The following CWC27 variants were observed in gnomAD, a reference collection of about 807,000 sequenced individuals.
CWC27 encodes CWC27 spliceosome associated cyclophilin, also known as spliceosome-associated protein CWC27 homolog.
Under a neutral mutation model 63.6 loss-of-function variants are expected in CWC27, and 47 were observed. The ratio of observed to expected loss-of-function variants is 0.74; its 90% CI spans 0.58 to 0.94. CWC27 has a LOEUF of 0.94. Ranked by LOEUF, CWC27 falls within the 40% of genes least tolerant of loss-of-function variation. CWC27 has a pLI of 0.00. For synonymous variants in CWC27, 175 were observed against 179.8 expected (o/e 0.97, Z 0.22); for missense variants, 495 against 554.3 (o/e 0.89, Z 1.07).
At chr5:64,952,856 C>G (rs1396920725) in intron 11 of CWC27, among the ~76,000 whole-genome samples, 2 of 152,166 alleles carry the variant, frequency 1.3e-5, no homozygotes, top group East Asian at 3.9e-4. Flanking sequence ...GTCCACTCTT[C>G]TAGCTTATTT....
chr5:64,870,482 TA>T (rs372653084), intron 10 of CWC27, among the ~76,000 whole-genome samples: 11,621 of 48,212 alleles, frequency 0.24, 467 homozygotes, highest in South Asian at 0.36. Flanking sequence ...TTAAATTGGT[TA>T]AAAAAAAAAA....
At chr5:64,781,117 G>A (rs1191512064) in intron 2 of CWC27, among the ~76,000 whole-genome samples, 1 of 151,974 alleles carries the variant, frequency 6.6e-6, no homozygotes, top group Non-Finnish European at 1.5e-5. Flanking sequence ...ATGATTTTAG[G>A]TTCCAGATAA....
chr5:64,881,604 A>G (rs1044498975), intron 10 of CWC27, among the ~76,000 whole-genome samples: 12 of 152,144 alleles, frequency 7.9e-5, no homozygotes, highest in African/African-American at 2.9e-4. Context: ...CCTAATTTAT[A>G]GTTGAATAAA....
intron 11 of CWC27, among the ~76,000 whole-genome samples, chr5:64,907,576 G>A (rs1747678318): frequency 6.6e-6 from 1 of 152,118 alleles, no homozygotes; most frequent in East Asian, 1.9e-4. Flanking sequence ...GAGACACTGG[G>A]GTTTTCCAAA....
chr5:64,809,364 CT>C (rs1744798055), intron 10 of CWC27, among the ~76,000 whole-genome samples: 1 of 151,980 alleles, frequency 6.6e-6, no homozygotes, highest in Non-Finnish European at 1.5e-5. Context: ...CATTACAAAG[CT>C]TATTCTTTTT....
chr5:64,823,325 CAAAGTAAAATTAAAAATTAATTT>C (rs1454790274), intron 10 of CWC27, among the ~76,000 whole-genome samples: 1 of 152,122 alleles, frequency 6.6e-6, no homozygotes, highest in East Asian at 1.9e-4. Context: ...TGGCGTATTT[CAAAGTAAAATTAAAAATTAATTT>C]GTCAGGTAAT....
intron 2 of CWC27, among the ~76,000 whole-genome samples, chr5:64,780,316 T>A (rs892676937): frequency 1.3e-5 from 2 of 152,078 alleles, no homozygotes; most frequent in African/African-American, 4.8e-5. Context: ...GATAGACATT[T>A]GAATTGTTTA....
chr5:64,935,616 G>A (rs111451874), intron 11 of CWC27, among the ~76,000 whole-genome samples: 1,653 of 152,246 alleles, frequency 0.011, 25 homozygotes, highest in African/African-American at 0.038. Flanking sequence ...GAAATTTAAG[G>A]TAGTTTTTTC....
At chr5:64,979,773 TTA>T (rs1168378241) in intron 13 of CWC27, among the ~76,000 whole-genome samples, 1 of 152,226 alleles carries the variant, frequency 6.6e-6, no homozygotes, top group Admixed American at 6.5e-5. Flanking sequence ...TAAGACATTT[TTA>T]TGTGTCCACA....
intron 11 of CWC27, among the ~76,000 whole-genome samples, chr5:64,933,566 C>T (rs1369277478): frequency 1.3e-5 from 2 of 149,860 alleles, no homozygotes; most frequent in African/African-American, 2.5e-5. Flanking sequence ...GATCTCGGCT[C>T]GCTGCAACCT....
intron 1 of CWC27, among the ~76,000 whole-genome samples, chr5:64,770,943 C>A (rs1031566213): frequency 1.3e-5 from 2 of 152,118 alleles, no homozygotes; most frequent in African/African-American, 2.4e-5. Flanking sequence ...AAATCAATTG[C>A]CAGGCTCTAT....
chr5:64,942,628 A>T (rs553267544), intron 11 of CWC27, among the ~76,000 whole-genome samples: 1 of 152,162 alleles, frequency 6.6e-6, no homozygotes, highest in South Asian at 2.1e-4. Context: ...TGATGAATAC[A>T]TGTGTTATTT....
chr5:64,881,714 C>T (rs1268902563), intron 10 of CWC27, among the ~76,000 whole-genome samples: 1 of 152,110 alleles, frequency 6.6e-6, no homozygotes, highest in African/African-American at 2.4e-5. Flanking sequence ...AAAGTTAAGT[C>T]TTATAATAGC....
chr5:64,797,985 T>G (rs1362651887), intron 7 of CWC27, among the ~76,000 whole-genome samples: 1 of 152,124 alleles, frequency 6.6e-6, no homozygotes, highest in African/African-American at 2.4e-5. Context: ...GACTGTGATG[T>G]TTATGATTGT....
chr5:64,800,347 G>A lies in CWC27; in HGVS notation c.749+20G>A, dbSNP rs887448921. The A allele has an allele frequency of 3.9e-6, 6 of 1,531,070 alleles. No individual in the cohort carries two copies. Among genetic ancestry groups the A allele is most frequent in the Non-Finnish European group, 4.5e-6 (5 of 1,110,784 alleles). 94.8% of individuals were successfully genotyped at this position (1,531,070 alleles called of 1,614,324 possible). A position where few individuals can be genotyped will look rare whatever the true frequency, so the allele number is the denominator to read the frequency against. On this transcript the variant is annotated intron_variant, in intron 8 of 13. Coordinates refer to ENST00000381070, the MANE Select transcript of CWC27 (RefSeq NM_005869.4). Reference sequence around the variant, plus strand: ...AGAAAGGTTAGTCCATTGTTGGTATGATCCTAAGTTCTTAATTTTCTGGCT... The same window carrying A: ...AGAAAGGTTAGTCCATTGTTGGTATAATCCTAAGTTCTTAATTTTCTGGCT...
At chr5:64,790,253 A>G (rs1399845196) in intron 7 of CWC27, among the ~76,000 whole-genome samples, 2 of 152,260 alleles carry the variant, frequency 1.3e-5, no homozygotes, top group East Asian at 1.9e-4. Flanking sequence ...GCTTTAGGAA[A>G]GGTCTCTAGA....
At chr5:64,807,951 A>G in intron 10 of CWC27, 2 of 1,420,800 alleles carry the variant, frequency 1.4e-6, no homozygotes, top group Non-Finnish European at 1.8e-6. Context: ...CTACCACTCC[A>G]CTGAAACTAC....
chr5:64,961,801 A>G (rs974398391), intron 11 of CWC27, among the ~76,000 whole-genome samples: 2 of 152,164 alleles, frequency 1.3e-5, no homozygotes, highest in African/African-American at 4.8e-5. Flanking sequence ...CTGTTTCCTC[A>G]CTTGTAAAAT....
chr5:64,951,720 A>C (rs1341378491), intron 11 of CWC27, among the ~76,000 whole-genome samples: 1 of 151,988 alleles, frequency 6.6e-6, no homozygotes, highest in East Asian at 1.9e-4. Flanking sequence ...TGGACATTGC[A>C]TATAAATGGA....
Sources: allele counts gnomAD v4.1 joint callset (sites outside exome capture counted in the v4.1 genomes callset), GRCh38; gene constraint gnomAD v4.1.1; transcripts MANE v1.5; gene names NCBI Gene and HGNC (gene_info 2026-07-23, HGNC 2026-07-21).